The following REC114 variants were observed in gnomAD, a reference collection of about 807,000 sequenced individuals.
REC114 encodes the protein REC114 meiotic recombination protein, also known as meiotic recombination protein REC114.
Under a neutral mutation model 31.3 loss-of-function variants are expected in REC114, and 27 were observed. The observed-to-expected ratio is 0.86, with a 90% CI of 0.64 to 1.19. The LOEUF (loss-of-function observed/expected upper bound fraction) is 1.19, where lower values mean the gene tolerates loss of function less well. Ranked by LOEUF, REC114 falls within the 50% of genes most tolerant of loss-of-function variation. The pLI is 0.00. For synonymous variants in REC114, 134 were observed against 127.7 expected (o/e 1.05, Z -0.33); for missense variants, 344 against 326.9 (o/e 1.05, Z -0.40).
At chr15:73,446,323 TAGG>T (rs989939890) in intron 1 of REC114, among the ~76,000 whole-genome samples, 1 of 152,070 alleles carries the variant, frequency 6.6e-6, no homozygotes, top group African/African-American at 2.4e-5. Flanking sequence ...CAGCAGTAGA[TAGG>T]AGAAGAATTA....
chr15:73,460,930 T>C (rs1392456799), intron 1 of REC114, among the ~76,000 whole-genome samples: 21 of 152,200 alleles, frequency 1.4e-4, no homozygotes, highest in Non-Finnish European at 2.9e-5. Context: ...TATTTATGGC[T>C]ACTGATAGAG....
At chr15:73,538,826 T>C (rs920684563) in intron 2 of REC114, among the ~76,000 whole-genome samples, 1 of 152,042 alleles carries the variant, frequency 6.6e-6, no homozygotes, top group African/African-American at 2.4e-5. Context: ...AGTATTCCAT[T>C]GTATAGAGTA....
At chr15:73,491,051 G>C (rs1893434397) in intron 2 of REC114, among the ~76,000 whole-genome samples, 1 of 150,504 alleles carries the variant, frequency 6.6e-6, no homozygotes, top group South Asian at 2.1e-4. Flanking sequence ...TTGTTGATTT[G>C]TATTTCATTT....
intron 2 of REC114, among the ~76,000 whole-genome samples, chr15:73,501,808 G>T (rs188412029): frequency 9.2e-5 from 14 of 152,248 alleles, no homozygotes; most frequent in Non-Finnish European, 1.5e-5. Context: ...TTTTATGTTT[G>T]GTTCTTGAGA....
intron 1 of REC114, among the ~76,000 whole-genome samples, chr15:73,444,995 T>G (rs1892746357): frequency 6.6e-6 from 1 of 152,214 alleles, no homozygotes; most frequent in Admixed American, 6.5e-5. Flanking sequence ...AATCTTTTTT[T>G]CTGAGGAGTT....
intron 5 of REC114, among the ~76,000 whole-genome samples, chr15:73,557,861 C>T (rs1303607479): frequency 6.6e-6 from 1 of 152,088 alleles, no homozygotes; most frequent in East Asian, 1.9e-4. Flanking sequence ...GTTGGTAAAA[C>T]CTTTTGGAAG....
At chr15:73,490,281 G>A (rs896260615) in intron 2 of REC114, among the ~76,000 whole-genome samples, 3 of 152,054 alleles carry the variant, frequency 2.0e-5, no homozygotes, top group Admixed American at 1.3e-4. Flanking sequence ...GGGATACTAA[G>A]GTTTTGTTAT....
At chr15:73,476,130 C>T (rs1893210655) in intron 2 of REC114, among the ~76,000 whole-genome samples, 1 of 152,140 alleles carries the variant, frequency 6.6e-6, no homozygotes, top group Non-Finnish European at 1.5e-5. Flanking sequence ...ACAAGATCAC[C>T]TAATGACACA....
chr15:73,495,808 A>G (rs1401377425), intron 2 of REC114, among the ~76,000 whole-genome samples: 1 of 152,060 alleles, frequency 6.6e-6, no homozygotes, highest in Non-Finnish European at 1.5e-5. Context: ...ATTGTTGGAG[A>G]AAAATTGTTA....
intron 2 of REC114, among the ~76,000 whole-genome samples, chr15:73,522,729 C>T (rs576298129): frequency 5.9e-5 from 9 of 152,206 alleles, no homozygotes; most frequent in African/African-American, 1.7e-4. Flanking sequence ...AAGAATAAAA[C>T]GGTTATAAAC....
intron 2 of REC114, among the ~76,000 whole-genome samples, chr15:73,476,797 G>C (rs1292555559): frequency 6.6e-6 from 1 of 152,030 alleles, no homozygotes; most frequent in South Asian, 2.1e-4. Context: ...TAGACATTGG[G>C]GTGGTTTTCA....
intron 1 of REC114, among the ~76,000 whole-genome samples, chr15:73,446,906 G>A (rs186174084): frequency 2.0e-5 from 3 of 152,310 alleles, no homozygotes; most frequent in Admixed American, 1.3e-4. Context: ...TGGAATTGGA[G>A]GGGAATATGA....
At chr15:73,481,988 A>G (rs1300200009) in intron 2 of REC114, among the ~76,000 whole-genome samples, 1 of 152,044 alleles carries the variant, frequency 6.6e-6, no homozygotes, top group Non-Finnish European at 1.5e-5. Context: ...TGTACATGTC[A>G]TTGACATTAA....
At chr15:73,546,319 G>A (rs907474724) in intron 3 of REC114, among the ~76,000 whole-genome samples, 1 of 152,090 alleles carries the variant, frequency 6.6e-6, no homozygotes, top group African/African-American at 2.4e-5. Context: ...TAGGCATTAT[G>A]TACCAAAATA....
intron 2 of REC114, among the ~76,000 whole-genome samples, chr15:73,485,110 G>A (rs921152835): frequency 2.0e-4 from 30 of 152,244 alleles, no homozygotes; most frequent in African/African-American, 6.7e-4. Flanking sequence ...TATTTATTTT[G>A]AGATGGAGTC....
chr15:73,447,903 C>T (rs1377420391), intron 1 of REC114, among the ~76,000 whole-genome samples: 1 of 152,056 alleles, frequency 6.6e-6, no homozygotes, highest in Non-Finnish European at 1.5e-5. Context: ...GGGAATCTCC[C>T]TCCCCCAGCC....
intron 3 of REC114, among the ~76,000 whole-genome samples, chr15:73,550,429 A>G (rs1430504026): frequency 3.9e-5 from 6 of 152,214 alleles, no homozygotes; most frequent in South Asian, 4.1e-4. Flanking sequence ...ACTACAGATC[A>G]TTAGCATGAG....
chr15:73,500,728 G>GT (rs58043618), intron 2 of REC114, among the ~76,000 whole-genome samples: 2,774 of 103,686 alleles, frequency 0.027, 36 homozygotes, highest in Non-Finnish European at 0.036. Context: ...TTCAATTATT[G>GT]TTTTTTTTTT....
chr15:73,544,462 T>G (rs1269911088), intron 3 of REC114, among the ~76,000 whole-genome samples: 1 of 152,226 alleles, frequency 6.6e-6, no homozygotes, highest in African/African-American at 2.4e-5. Context: ...AAACATTATA[T>G]TTCTTTTCTC....
Sources: allele counts gnomAD v4.1 joint callset (sites outside exome capture counted in the v4.1 genomes callset), GRCh38; gene constraint gnomAD v4.1.1; transcripts MANE v1.5; gene names NCBI Gene and HGNC (gene_info 2026-07-23, HGNC 2026-07-21).